Variants in WNK4 observed in about 807,000 individuals in gnomAD.
WNK4 encodes WNK lysine deficient protein kinase 4.
A neutral mutation model predicts 116.2 loss-of-function variants in WNK4; 94 were observed. That is an observed-to-expected ratio of 0.81 (90% confidence interval 0.68 to 0.96). WNK4 has a LOEUF of 0.96. Among genes scored for constraint, WNK4 ranks in the 40% least tolerant of loss-of-function variants. The pLI is 0.00. For missense variants in WNK4, 1,542 were observed against 1,650.6 expected (o/e 0.93, Z 1.14); for synonymous variants, 655 against 672.7 (o/e 0.97, Z 0.41).
At position 42,784,049 on chromosome 17, in the gene WNK4, G is replaced by A. The variant is rs747424461; in HGVS notation, c.904G>A (p.Asp302Asn). 1.2e-6 allele frequency: 2 copies of A among 1,613,894 alleles called. No individual in the cohort carries two copies. Among genetic ancestry groups the A allele is most frequent in the East Asian group, 4.5e-5 (2 of 44,886 alleles). ...HSRVPPILHR[D>N]LKCDNVFITG... ...CCGGGTTCCTCCCATCCTGCACCGG[G>A]ATCTCAAGTGCGACAATGTCTTTAT... The change falls in exon 3 of 19, where the codon GAT becomes AAT. Residue 302 changes from aspartate (D) to asparagine (N), a missense_variant. Asp to Asn is a conservative substitution (Grantham distance 23). Around this residue, in one of 7 missense-constraint regions of WNK4, gnomAD observed 808 missense variants for 873.6 expected, o/e 0.92. Transcript: ENST00000246914. The surrounding 1 kb of genome is among the most constrained non-coding windows in gnomAD (Gnocchi z 4.4).
At chr17:42,787,691 AG>A in intron 7 of WNK4, 86 bp from the exon 8 acceptor site, 1 of 1,598,486 alleles carries the variant, frequency 6.3e-7, no homozygotes, top group South Asian at 1.1e-5. Context: ...CCACAGCTCC[AG>A]GCCCCTCCTT....
rs1026261114 is a variant in WNK4 at position 42,787,615 on chromosome 17, C to T, written c.1741+73C>T. ...TCTGCCCCCTACCCAGAAGTTCACC[C>T]CCACAGCAGTCACTTACCCTGCCTT... is the stretch of plus-strand genomic sequence containing the variant. On this transcript the variant is annotated intron_variant, in intron 7 of 18. Coordinates refer to ENST00000246914, the MANE Select transcript of WNK4 (RefSeq NM_032387.5). 5 of 1,602,156 alleles carry T rather than the reference C, an allele frequency of 3.1e-6. No homozygotes were observed. The African/African-American group carries it at 5.3e-5, about 17-fold the overall frequency.
intron 6 of WNK4, 46 bp downstream of exon 6, chr17:42,785,528 T>C (rs1391870273): frequency 1.9e-6 from 3 of 1,549,506 alleles, no homozygotes; most frequent in Non-Finnish European, 2.6e-6. Context: ...GTAAAGGACA[T>C]TGACTCGAGG....
Position 42,784,322 on chromosome 17 carries a change from G to C in WNK4, c.1013-100G>C, listed in dbSNP as rs2054517599. On this transcript the variant is annotated intron_variant, in intron 3 of 18. Transcript: ENST00000246914. The surrounding 1 kb of genome is among the most constrained non-coding windows in gnomAD (Gnocchi z 4.4). ...CCCACCTCAACCCCACTGTGGGCCG[G>C]GGTCACTTGCACTCGCAGGGTTGCC... 6.4e-7 allele frequency: 1 copy of C among 1,558,078 alleles called. No individual in the cohort carries two copies. The highest frequency in any genetic ancestry group is 8.7e-7 in the Non-Finnish European group (1 of 1,144,056).
chr17:42,783,749 G>A (rs1010688994), intron 2 of WNK4, 188 bp from the exon 3 acceptor site: 92 of 640,716 alleles, frequency 1.4e-4, no homozygotes, highest in Admixed American at 4.2e-4. Flanking sequence ...GTTTGGTAAC[G>A]TCATGTCTAT....
In WNK4 at chr17:42,783,943, G is replaced by C; in HGVS notation, c.798G>C (p.Leu266=). 6.2e-7 allele frequency: 1 copy of C among 1,613,326 alleles called. No individual in the cohort carries two copies. Among genetic ancestry groups the C allele is most frequent in the South Asian group, 1.1e-5 (1 of 91,062 alleles). Residue 266 remains leucine, a synonymous_variant, in exon 3 of 19, where the codon CTG becomes CTC. Transcript: ENST00000246914. ...GCTATGCGCCCTCCCCCAGGTACCT[G>C]AGGCGGTTCCGGGAGATGAAGCCGC... ...LMTSGTLKTY[L]RRFREMKPRV...
chr17:42,793,731 T>A lies in WNK4; in HGVS notation c.2295+2T>A. 1 of 1,613,968 alleles carries A rather than the reference T, an allele frequency of 6.2e-7. No homozygotes were observed. The highest frequency in any genetic ancestry group is 8.5e-7 in the Non-Finnish European group (1 of 1,179,902). ...GCTGAAGACACCCTAAGCCCCCAGG[T>A]CAGACCCCTTGGTGGACACTTCCAG... On this transcript the variant is annotated splice_donor_variant, in intron 12 of 18. Coordinates refer to ENST00000246914, the MANE Select transcript of WNK4 (RefSeq NM_032387.5). LOFTEE classifies it high-confidence loss of function.
Position 42,795,330 on chromosome 17 carries a change from C to A in WNK4, c.2909C>A (p.Ala970Asp). ...AGCCTGCCCCTTCCCCCTCCCGTTGCTCCTGGTGGCCAGGAAAGCCCTTCA... is the reference window on the plus strand; with the variant it reads ...AGCCTGCCCCTTCCCCCTCCCGTTGATCCTGGTGGCCAGGAAAGCCCTTCA... ...LPSLPLPPPVAPGGQESPSPH... is the reference protein window; with the variant it reads ...LPSLPLPPPVDPGGQESPSPH... The change falls in exon 14 of 19, where the codon GCT (alanine) becomes GAT (aspartate). Residue 970 changes from alanine (A) to aspartate (D), a missense_variant. Transcript: ENST00000246914. The A allele has an allele frequency of 6.2e-7, 1 of 1,614,128 alleles. No homozygotes were observed. The highest frequency in any genetic ancestry group is 8.5e-7 in the Non-Finnish European group (1 of 1,180,036).
intron 12 of WNK4, 65 bp downstream of exon 12, chr17:42,793,794 T>C: frequency 6.3e-7 from 1 of 1,599,862 alleles, no homozygotes; most frequent in Non-Finnish European, 8.5e-7. Context: ...TATTACTCTC[T>C]GCCCTCAGCG....
Position 42,787,785 on chromosome 17 carries a change from C to A in WNK4, c.1749C>A (p.Cys583Ter). 1.2e-6 allele frequency: 2 copies of A among 1,612,170 alleles called. No homozygotes were observed. Among genetic ancestry groups the A allele is most frequent in the Non-Finnish European group, 1.7e-6 (2 of 1,180,022 alleles). Residue 583 changes from cysteine to a stop codon, truncating the protein, a stop_gained, in exon 8 of 19, where the codon TGC becomes TGA. Coordinates refer to ENST00000246914, the MANE Select transcript of WNK4 (RefSeq NM_032387.5). LOFTEE classifies it high-confidence loss of function. ...HASYSSTTSD[C>*]ETDGYLSSSG... Reference sequence around the variant, plus strand: ...CTCTCCCTCCCCAACCAGCGGATTGCGAGACTGATGGCTACCTCAGCTCCT... The same window carrying A: ...CTCTCCCTCCCCAACCAGCGGATTGAGAGACTGATGGCTACCTCAGCTCCT...
At position 42,787,442 on chromosome 17, in the gene WNK4, C is replaced by A. The variant is rs9916754; in HGVS notation, c.1641C>A (p.Ala547=). 6.2e-7 allele frequency: 1 copy of A among 1,613,844 alleles called. No individual in the cohort carries two copies. Among genetic ancestry groups the A allele is most frequent in the South Asian group, 1.1e-5 (1 of 91,054 alleles). Residue 547 remains alanine, a synonymous_variant, in exon 7 of 19, where the codon GCC becomes GCA. Transcript: ENST00000246914. ...CTCCACCAGCAACTGTGCCCATGGC[C>A]CCCGGTCCCCCCAGTGTCTTCCCCC... is the stretch of plus-strand genomic sequence containing the variant. ...PGPPPATVPM[A]PGPPSVFPPE... is the part of the protein sequence containing the mutation.
At chr17:42,783,841 G>A in intron 2 of WNK4, 96 bp from the exon 3 acceptor site, 1 of 1,191,446 alleles carries the variant, frequency 8.4e-7, no homozygotes, top group Admixed American at 2.0e-5. Flanking sequence ...TGCGGAGGCG[G>A]CAGCAGGGTG....
rs1568027045 is a variant in WNK4, at chr17:42,784,001, C to G, written c.856C>G (p.Arg286Gly). ...VLQRWSRQILRGLHFLHSRVP... is the reference protein window; with the variant it reads ...VLQRWSRQILGGLHFLHSRVP... ...TCAGCGCTGGAGCCGCCAAATCCTG[C>G]GGGGACTTCATTTCCTACACTCCCG... Residue 286 changes from arginine (R) to glycine (G), a missense_variant, in exon 3 of 19, where the codon CGG becomes GGG. Transcript: ENST00000246914. This position sits in a 1 kb window ranked among gnomAD's most constrained non-coding sequence, Gnocchi z 4.4. 1 of 1,613,950 alleles carries G rather than the reference C, an allele frequency of 6.2e-7. No individual in the cohort carries two copies. Among genetic ancestry groups the G allele is most frequent in the African/African-American group, 1.3e-5 (1 of 74,928 alleles).
chr17:42,793,776 C>T (rs1315452109), intron 12 of WNK4, 47 bp downstream of exon 12: 1 of 1,612,310 alleles, frequency 6.2e-7, no homozygotes, highest in Non-Finnish European at 8.5e-7. Context: ...ACTCTCTGCT[C>T]CAGGGTTTAT....
chr17:42,781,390 G>C, intron 1 of WNK4, 74 bp downstream of exon 1: 1 of 1,595,472 alleles, frequency 6.3e-7, no homozygotes, highest in South Asian at 1.1e-5. Context: ...ACAGAGGGTG[G>C]GGGAGACAGC....
Position 42,784,284 on chromosome 17 carries a change from G to A in WNK4, c.1012+127G>A. The A allele has an allele frequency of 2.6e-6, 4 of 1,538,418 alleles. No individual in the cohort carries two copies. Among genetic ancestry groups the A allele is most frequent in the Non-Finnish European group, 3.6e-6 (4 of 1,122,984 alleles). ...ACTACCAGACGACAGGGAAGCTGAGGAGACCTATGGCACCCACCTCAACCC... is the reference window on the plus strand; with the variant it reads ...ACTACCAGACGACAGGGAAGCTGAGAAGACCTATGGCACCCACCTCAACCC... On this transcript the variant is annotated intron_variant, in intron 3 of 18. Coordinates refer to ENST00000246914, the MANE Select transcript of WNK4 (RefSeq NM_032387.5). This position sits in a 1 kb window ranked among gnomAD's most constrained non-coding sequence, Gnocchi z 4.4.
chr17:42,794,673 G>A lies in WNK4; in HGVS notation c.2350+5G>A, dbSNP rs372576170. 12 of 1,613,792 alleles carry A rather than the reference G, an allele frequency of 7.4e-6. No homozygotes were observed. The African/African-American group carries it at 1.2e-4, about 16-fold the overall frequency. ...CCCTCCCAGACCCATCCAATGGTAT[G>A]TACTGAGTTGTGTCCTTGCTCATCC... On this transcript the variant is annotated splice_donor_5th_base_variant and intron_variant, in intron 13 of 18. Coordinates refer to ENST00000246914, the MANE Select transcript of WNK4 (RefSeq NM_032387.5).
chr17:42,784,234 A>C lies in WNK4; in HGVS notation c.1012+77A>C. ...GAGAACCTGGGGACTCCCTCCCCTC[A>C]GCAAGGGCCTTCAAGGTCCACAAAA... On this transcript the variant is annotated intron_variant, in intron 3 of 18. Transcript: ENST00000246914. The surrounding 1 kb of genome is among the most constrained non-coding windows in gnomAD (Gnocchi z 4.4). 2 of 1,584,270 alleles carry C rather than the reference A, an allele frequency of 1.3e-6. No homozygotes were observed. The highest frequency in any genetic ancestry group is 1.7e-6 in the Non-Finnish European group (2 of 1,161,964).
Position 42,796,501 on chromosome 17 carries a change from C to CT in WNK4, c.3653dup (p.Ser1219GlufsTer53), listed in dbSNP as rs775430894. ...CCCAGGCATCATGCGAAGGAACTCT[C>CT]TGAGTGGCAGCAGCACCGGCTCCCA... On this transcript the variant is annotated frameshift_variant, in exon 18 of 19. Transcript: ENST00000246914. LOFTEE classifies it high-confidence loss of function. 2.2e-5 allele frequency: 36 copies of CT among 1,613,948 alleles called. No individual in the cohort carries two copies. Among genetic ancestry groups the CT allele is most frequent in the Admixed American group, 1.2e-4 (7 of 60,016 alleles).
Sources: allele counts gnomAD v4.1 joint callset, GRCh38; gene constraint gnomAD v4.1.1; regional missense constraint gnomAD v4.1.1; non-coding constraint Gnocchi (gnomAD v3.1); transcripts MANE v1.5; gene names NCBI Gene and HGNC (gene_info 2026-07-23, HGNC 2026-07-21).